The following PTK2 variants were observed in gnomAD, a reference collection of about 807,000 sequenced individuals.
PTK2 encodes the protein focal adhesion kinase 1.
A neutral mutation model predicts 150.1 loss-of-function variants in PTK2; 45 were observed. The ratio of observed to expected loss-of-function variants is 0.30; its 90% confidence interval spans 0.24 to 0.38. The LOEUF (loss-of-function observed/expected upper bound fraction) is 0.38. Ranked by LOEUF, PTK2 falls within the 10% of genes least tolerant of loss-of-function variation. PTK2 has a pLI of 1.00. For missense variants in PTK2, 919 were observed against 1,307.3 expected, an observed-to-expected ratio of 0.70 and a Z score of 4.58; for synonymous variants, 432 against 449.2, an observed-to-expected ratio of 0.96 and a Z score of 0.48.
chr8:140,746,680 T>G lies in PTK2; in HGVS notation c.1518+80A>C, dbSNP rs1021188147. 4.7e-6 allele frequency: 5 copies of G among 1,071,526 alleles called. No individual in the cohort carries two copies. In the African/African-American group the frequency reaches 8.1e-5, roughly 17 times the overall value. The allele number at this position is 1,071,526 out of a possible 1,614,324, so 66.4% of individuals were successfully genotyped here. A position where few individuals can be genotyped will look rare whatever the true frequency, so the allele number is the denominator to read the frequency against. ...AGAACTCTCCTGAAAATCCAAGATA[T>G]AAACTGTTTATATTTTCCTTTCTTA... is the stretch of plus-strand genomic sequence containing the variant. On this transcript the variant is annotated intron_variant, in intron 18 of 31. Transcript: ENST00000522684.
At chr8:140,826,364 A>G (rs1367218215) in intron 8 of PTK2, among the ~76,000 whole-genome samples, 2 of 152,188 alleles carry the variant, frequency 1.3e-5, no homozygotes, top group Non-Finnish European at 2.9e-5. Context: ...CAATCAGTGC[A>G]ATGTCCAAAG....
intron 29 of PTK2, chr8:140,669,466 C>T: frequency 2.2e-6 from 1 of 460,802 alleles, no homozygotes; most frequent in Non-Finnish European, 3.8e-6. Context: ...TAATCTGGAA[C>T]AGATTAATTC....
chr8:140,953,383 G>A (rs2100180144), intron 1 of PTK2, among the ~76,000 whole-genome samples: 1 of 152,122 alleles, frequency 6.6e-6, no homozygotes, highest in African/African-American at 2.4e-5. Flanking sequence ...CCGTTTGGGG[G>A]CCATGATGAA....
At chr8:140,947,724 T>C (rs2100178171) in intron 1 of PTK2, among the ~76,000 whole-genome samples, 1 of 152,094 alleles carries the variant, frequency 6.6e-6, no homozygotes, top group South Asian at 2.1e-4. Flanking sequence ...CGCACAGTGA[T>C]GTGTAAAACA....
intron 2 of PTK2, chr8:140,920,762 T>A (rs376396684): frequency 7.3e-7 from 1 of 1,366,978 alleles, no homozygotes; most frequent in African/African-American, 1.5e-5. Flanking sequence ...ACCTTTTCGG[T>A]GCAAAAGCAT....
intron 1 of PTK2, among the ~76,000 whole-genome samples, chr8:140,937,267 T>C (rs2100173976): frequency 6.6e-6 from 1 of 152,222 alleles, no homozygotes; most frequent in South Asian, 2.1e-4. Context: ...TTATAATCGT[T>C]ATTGCATACT....
At chr8:140,851,751 C>T (rs774109596) in intron 5 of PTK2, among the ~76,000 whole-genome samples, 7 of 151,362 alleles carry the variant, frequency 4.6e-5, no homozygotes, top group East Asian at 3.9e-4. Context: ...CCCAGCTACA[C>T]GGGAGGCTGA....
chr8:140,763,065 C>T (rs2100070255), intron 15 of PTK2, among the ~76,000 whole-genome samples: 1 of 152,256 alleles, frequency 6.6e-6, no homozygotes, highest in African/African-American at 2.4e-5. Flanking sequence ...TACAGATGTG[C>T]GCCACCATGC....
At chr8:140,818,173 A>C (rs1023907394) in intron 10 of PTK2, 104 bp downstream of exon 10, 1 of 1,113,570 alleles carries the variant, frequency 9.0e-7, no homozygotes, top group Admixed American at 1.9e-5. Flanking sequence ...GTGCAATAGG[A>C]AAATTTAATT....
chr8:140,878,969 G>A (rs1052646939), intron 4 of PTK2, among the ~76,000 whole-genome samples: 2 of 151,778 alleles, frequency 1.3e-5, no homozygotes, highest in East Asian at 1.9e-4. Context: ...AAGAGATTAC[G>A]TCCTAATTTT....
chr8:140,990,109 G>A (rs1187414836), intron 1 of PTK2, among the ~76,000 whole-genome samples: 1 of 151,978 alleles, frequency 6.6e-6, no homozygotes, highest in Admixed American at 6.6e-5. Context: ...AGTAACAGAA[G>A]AATCACTTAT....
At chr8:140,726,895 T>C (rs527429635) in intron 22 of PTK2, among the ~76,000 whole-genome samples, 16 of 152,366 alleles carry the variant, frequency 1.1e-4, no homozygotes, top group Admixed American at 1.0e-3. Context: ...GTGGGGTTAA[T>C]GGCATATGTG....
chr8:140,977,441 G>T (rs192257094), intron 1 of PTK2, among the ~76,000 whole-genome samples: 2 of 152,202 alleles, frequency 1.3e-5, no homozygotes, highest in African/African-American at 4.8e-5. Flanking sequence ...GGCCAACACG[G>T]TGAAACCCCA....
At position 140,676,765 on chromosome 8, in the gene PTK2, T is replaced by TAAAAAAAAAAAAAAAAA. The variant is rs869199304; in HGVS notation, c.2563-1283_2563-1267dup. 3.6e-4 allele frequency among the ~76,000 whole-genome samples: 20 copies of TAAAAAAAAAAAAAAAAA among 55,570 alleles called. 2 individuals carry two copies. The highest frequency in any genetic ancestry group is 1.2e-3 in the African/African-American group (14 of 11,746). The allele number at this position is 55,570 out of a possible 152,430, so 36.5% of individuals were successfully genotyped here. On this transcript the variant is annotated intron_variant, in intron 27 of 31. Transcript: ENST00000522684. ...ACATGGTGAAACCCCGTCTCTACTT[T>TAAAAAAAAAAAAAAAAA]AAAAAAAAAAAAAAAAAAAAAAAAT...
chr8:140,785,342 A>T (rs2100084344), intron 14 of PTK2, among the ~76,000 whole-genome samples: 1 of 152,202 alleles, frequency 6.6e-6, no homozygotes, highest in Non-Finnish European at 1.5e-5. Flanking sequence ...ATCCCAGACA[A>T]TAAAGAGATA....
chr8:140,786,514 C>T (rs1203853092), intron 14 of PTK2, among the ~76,000 whole-genome samples: 1 of 152,084 alleles, frequency 6.6e-6, no homozygotes, highest in Non-Finnish European at 1.5e-5. Flanking sequence ...TGGTTCCTGG[C>T]CAGCTAGGCT....
intron 2 of PTK2, among the ~76,000 whole-genome samples, chr8:140,911,738 A>G (rs2100163273): frequency 6.6e-6 from 1 of 152,054 alleles, no homozygotes; most frequent in Non-Finnish European, 1.5e-5. Flanking sequence ...CTATCACTAT[A>G]ATGTTTTTCT....
intron 2 of PTK2, among the ~76,000 whole-genome samples, chr8:140,901,754 T>C (rs2100158545): frequency 6.6e-6 from 1 of 150,856 alleles, no homozygotes; most frequent in Admixed American, 6.6e-5. Context: ...GCTGCACCCA[T>C]CAACCCGTCA....
At chr8:140,836,987 C>T (rs1011341315) in intron 7 of PTK2, among the ~76,000 whole-genome samples, 2 of 152,154 alleles carry the variant, frequency 1.3e-5, no homozygotes, top group Non-Finnish European at 2.9e-5. Flanking sequence ...AAATAAGAGT[C>T]TTCCTTCTCT....
Sources: gnomAD v4.1 joint callset for allele counts (sites outside exome capture counted in the v4.1 genomes callset) on GRCh38, gnomAD v4.1.1 for gene constraint, MANE v1.5 for transcripts, NCBI Gene and HGNC (gene_info 2026-07-23, HGNC 2026-07-21) for gene names.